The following ZNF385D variants were observed in gnomAD, a reference collection of about 807,000 sequenced individuals.
The protein encoded by ZNF385D is zinc finger protein 659.
In ZNF385D, 15 loss-of-function variants were observed where a neutral mutation model predicts 35.8. That is an observed-to-expected ratio of 0.42 (90% CI 0.28 to 0.64). The LOEUF is 0.64. Ranked by LOEUF, ZNF385D falls within the 30% of genes least tolerant of loss-of-function variation. The probability of loss-of-function intolerance (pLI) is 0.23; values close to 1 mark genes in which losing one functional copy is unlikely to be tolerated. For missense variants in ZNF385D, 474 were observed against 494.6 expected, an observed-to-expected ratio of 0.96 and a Z score of 0.39; for synonymous variants, 212 against 186.8, an observed-to-expected ratio of 1.13 and a Z score of -1.10.
At chr3:21,458,793 G>A (rs1344944679) in intron 4 of ZNF385D, among the ~76,000 whole-genome samples, 1 of 131,204 alleles carries the variant, frequency 7.6e-6, no homozygotes, top group Non-Finnish European at 1.6e-5. Flanking sequence ...AGGGGAGAGG[G>A]AGTCCATGGA....
intron 3 of ZNF385D, among the ~76,000 whole-genome samples, chr3:21,983,935 ATG>A (rs1230282498): frequency 1.5e-5 from 2 of 134,194 alleles, no homozygotes; most frequent in Non-Finnish European, 3.1e-5. Context: ...GCATTTTTTC[ATG>A]TGTTTTTTGG....
chr3:21,779,718 T>C (rs978933963), intron 3 of ZNF385D, among the ~76,000 whole-genome samples: 11 of 151,986 alleles, frequency 7.2e-5, no homozygotes, highest in African/African-American at 2.7e-4. Context: ...TAAAGATCTA[T>C]GACAAAAGAA....
chr3:21,602,512 A>ATTTTTTTTTTTTTTTTTTTTTTTTT (rs199882061), intron 2 of ZNF385D, among the ~76,000 whole-genome samples: 8 of 90,206 alleles, frequency 8.9e-5, no homozygotes, highest in African/African-American at 1.2e-4. Flanking sequence ...GTTTCCCTGC[A>ATTTTTTTTTTTTTTTTTTTTTTTTT]TTTTCTTTTT....
At chr3:21,985,461 G>A (rs1284180871) in intron 3 of ZNF385D, among the ~76,000 whole-genome samples, 1 of 115,314 alleles carries the variant, frequency 8.7e-6, no homozygotes, top group African/African-American at 3.8e-5. Flanking sequence ...TTATATGCTG[G>A]ATCACATTTA....
chr3:21,608,023 G>GTTTTTTTTTGTTTTTTTTTTTT (rs1553622610), intron 2 of ZNF385D, among the ~76,000 whole-genome samples: 4 of 120,218 alleles, frequency 3.3e-5, no homozygotes, highest in African/African-American at 1.3e-4. Context: ...TTTTTTTTTT[G>GTTTTTTTTTGTTTTTTTTTTTT]TTTTTTTTTT....
chr3:22,297,776 C>T (rs1702670827), intron 2 of ZNF385D, among the ~76,000 whole-genome samples: 1 of 151,954 alleles, frequency 6.6e-6, no homozygotes, highest in South Asian at 2.1e-4. Context: ...ATAAAAATAA[C>T]ATAAAAACCT....
intron 3 of ZNF385D, among the ~76,000 whole-genome samples, chr3:21,987,901 C>A (rs1277973315): frequency 2.1e-5 from 3 of 144,730 alleles, no homozygotes; most frequent in African/African-American, 7.6e-5. Context: ...CTTCCCTTCT[C>A]ACTTCATTTC....
chr3:21,582,588 C>T (rs562781665), intron 2 of ZNF385D, among the ~76,000 whole-genome samples: 3 of 151,990 alleles, frequency 2.0e-5, no homozygotes, highest in South Asian at 2.1e-4. Flanking sequence ...TTCAGCAAGA[C>T]GTTCTCAGTT....
chr3:21,791,100 A>G (rs774400000), intron 3 of ZNF385D, among the ~76,000 whole-genome samples: 1 of 152,216 alleles, frequency 6.6e-6, no homozygotes, highest in Non-Finnish European at 1.5e-5. Context: ...AATCACAAGT[A>G]CTTTTCATGA....
chr3:21,936,573 T>C (rs1701269233), intron 3 of ZNF385D, among the ~76,000 whole-genome samples: 1 of 152,082 alleles, frequency 6.6e-6, no homozygotes, highest in South Asian at 2.1e-4. Flanking sequence ...TATAATTATA[T>C]ACTCATTTAT....
intron 3 of ZNF385D, among the ~76,000 whole-genome samples, chr3:21,972,155 C>A (rs911949416): frequency 6.6e-6 from 1 of 151,944 alleles, no homozygotes; most frequent in Non-Finnish European, 1.5e-5. Flanking sequence ...AATATACATT[C>A]TTTTTCTCAG....
chr3:21,581,300 T>C (rs2063654829), intron 2 of ZNF385D, among the ~76,000 whole-genome samples: 1 of 152,182 alleles, frequency 6.6e-6, no homozygotes, highest in South Asian at 2.1e-4. Flanking sequence ...GTATAATTCC[T>C]ATCTCTCCCT....
At chr3:22,094,385 G>GATATATATATATATATAT (rs140274686) in intron 3 of ZNF385D, among the ~76,000 whole-genome samples, 63 of 70,792 alleles carry the variant, frequency 8.9e-4, no homozygotes, top group African/African-American at 2.0e-3. Context: ...ATTTATTGTT[G>GATATATATATATATATAT]ATATATATAT....
At chr3:21,529,515 T>C (rs2061871188) in intron 3 of ZNF385D, among the ~76,000 whole-genome samples, 1 of 152,196 alleles carries the variant, frequency 6.6e-6, no homozygotes, top group Non-Finnish European at 1.5e-5. Flanking sequence ...ACTTCTGCCT[T>C]TACTTTCAGG....
intron 3 of ZNF385D, among the ~76,000 whole-genome samples, chr3:21,834,702 T>C (rs898944310): frequency 5.3e-5 from 8 of 152,134 alleles, no homozygotes; most frequent in African/African-American, 1.9e-4. Flanking sequence ...TGGCTCTGTG[T>C]CCCCACCCAA....
At chr3:22,143,909 T>A (rs1255969103) in intron 3 of ZNF385D, among the ~76,000 whole-genome samples, 1 of 152,212 alleles carries the variant, frequency 6.6e-6, no homozygotes, top group Non-Finnish European at 1.5e-5. Flanking sequence ...TATTCATTTT[T>A]AATATTAACA....
intron 3 of ZNF385D, among the ~76,000 whole-genome samples, chr3:21,525,300 CCAAA>C (rs912617817): frequency 1.3e-5 from 2 of 151,974 alleles, no homozygotes; most frequent in African/African-American, 4.8e-5. Flanking sequence ...GGAAGAAATG[CCAAA>C]CAGAGACTGC....
intron 3 of ZNF385D, among the ~76,000 whole-genome samples, chr3:21,812,002 C>A (rs1045552262): frequency 5.9e-5 from 9 of 151,754 alleles, no homozygotes; most frequent in Admixed American, 2.0e-4. Context: ...AACATTTTTG[C>A]CAAAAAAATC....
chr3:21,895,984 G>A (rs1483448434), intron 3 of ZNF385D, among the ~76,000 whole-genome samples: 3 of 151,924 alleles, frequency 2.0e-5, no homozygotes, highest in Non-Finnish European at 2.9e-5. Context: ...TTGCGGTTTC[G>A]ACAATGACAA....
Sources: gnomAD v4.1 joint callset for allele counts (sites outside exome capture counted in the v4.1 genomes callset) on GRCh38, gnomAD v4.1.1 for gene constraint, MANE v1.5 for transcripts, NCBI Gene and HGNC (gene_info 2026-07-23, HGNC 2026-07-21) for gene names.